The following PDE4B variants were observed in gnomAD, a reference collection of about 807,000 sequenced individuals.
PDE4B encodes phosphodiesterase 4B, also known as 3',5'-cyclic-AMP phosphodiesterase 4B.
A neutral mutation model predicts 82.2 loss-of-function variants in PDE4B; 20 were observed. The observed-to-expected ratio is 0.24, with a 90% CI of 0.17 to 0.35. The LOEUF (loss-of-function observed/expected upper bound fraction) is 0.35. Among genes scored for constraint, PDE4B ranks in the 10% least tolerant of loss-of-function variants. PDE4B has a pLI of 1.00. For missense variants in PDE4B, 655 were observed against 907.2 expected (o/e 0.72, Z 3.57); for synonymous variants, 320 against 318.9 (o/e 1.00, Z -0.04).
intron 1 of PDE4B, among the ~76,000 whole-genome samples, chr1:65,853,944 G>T (rs1346434424): frequency 6.6e-6 from 1 of 152,000 alleles, no homozygotes; most frequent in Non-Finnish European, 1.5e-5. Context: ...TTTCTTATGT[G>T]CCCAATATGG....
chr1:65,844,541 T>G lies in PDE4B; in HGVS notation c.-71+51293T>G, dbSNP rs568172360. On this transcript the variant is annotated intron_variant, in intron 1 of 16. Transcript: ENST00000341517. ...TAGCCAAAATAACTTACTGCCTTAT[T>G]TTGTGTTGGATTTGAAATTCAAAAA... 3.9e-5 allele frequency among the ~76,000 whole-genome samples: 6 copies of G among 152,280 alleles called. No individual in the cohort carries two copies. The East Asian group carries it at 1.2e-3, about 29-fold the overall frequency.
At chr1:65,978,528 A>C (rs1168381564) in intron 3 of PDE4B, among the ~76,000 whole-genome samples, 1 of 138,866 alleles carries the variant, frequency 7.2e-6, no homozygotes, top group Non-Finnish European at 1.6e-5. Flanking sequence ...CACTTAGGTC[A>C]TTCTCCTCCA....
intron 1 of PDE4B, among the ~76,000 whole-genome samples, chr1:65,813,439 CAT>C (rs200672520): frequency 0.01 from 1,553 of 152,146 alleles, 20 homozygotes; most frequent in African/African-American, 0.036. Flanking sequence ...ATATTTTTGC[CAT>C]ATAAAATAAT....
intron 3 of PDE4B, among the ~76,000 whole-genome samples, chr1:66,164,685 A>G (rs1646689909): frequency 1.3e-5 from 2 of 150,726 alleles, no homozygotes; most frequent in African/African-American, 4.8e-5. Context: ...GACTCTGGAT[A>G]TTCTGTATGA....
chr1:65,912,679 A>T (rs1444742895), intron 1 of PDE4B, among the ~76,000 whole-genome samples: 1 of 152,214 alleles, frequency 6.6e-6, no homozygotes, highest in Non-Finnish European at 1.5e-5. Flanking sequence ...GAGAGATTTA[A>T]ACTGGTGGTA....
intron 3 of PDE4B, among the ~76,000 whole-genome samples, chr1:65,951,992 T>G (rs529698055): frequency 6.6e-6 from 1 of 152,242 alleles, no homozygotes; most frequent in South Asian, 2.1e-4. Context: ...TCTACTGAGA[T>G]TCTCCTAAGG....
intron 7 of PDE4B, among the ~76,000 whole-genome samples, chr1:66,293,485 G>C (rs183758073): frequency 6.6e-6 from 1 of 152,062 alleles, no homozygotes; most frequent in Admixed American, 6.6e-5. Flanking sequence ...TGCATGTACC[G>C]TACTGAGTTT....
chr1:66,024,386 T>C lies in PDE4B; in HGVS notation c.281+105551T>C, dbSNP rs180767190. ...AGCCATCCAACTTGCATCACTTCTGTGATTACTAGGTTCTGTCTGAACATT... is the reference window on the plus strand; with the variant it reads ...AGCCATCCAACTTGCATCACTTCTGCGATTACTAGGTTCTGTCTGAACATT... On this transcript the variant is annotated intron_variant, in intron 3 of 16. Coordinates refer to ENST00000341517, the MANE Select transcript of PDE4B (RefSeq NM_002600.4). 7.2e-4 allele frequency among the ~76,000 whole-genome samples: 110 copies of C among 152,234 alleles called. 1 individual carries two copies. The highest frequency in any genetic ancestry group is 6.0e-3 in the Admixed American group (91 of 15,284).
At chr1:65,896,133 G>C (rs1014102654) in intron 1 of PDE4B, among the ~76,000 whole-genome samples, 1 of 151,466 alleles carries the variant, frequency 6.6e-6, no homozygotes, top group African/African-American at 2.4e-5. Flanking sequence ...GTCTGTTCTC[G>C]CACTGCTAAT....
At chr1:66,203,221 T>C (rs1570460944) in intron 3 of PDE4B, among the ~76,000 whole-genome samples, 1 of 152,322 alleles carries the variant, frequency 6.6e-6, no homozygotes. Flanking sequence ...AGATCTGCTG[T>C]TACTCTGATG....
intron 7 of PDE4B, among the ~76,000 whole-genome samples, chr1:66,280,285 C>T (rs1033312047): frequency 1.1e-4 from 17 of 152,222 alleles, no homozygotes; most frequent in Admixed American, 3.3e-4. Flanking sequence ...AGTGGCAGCA[C>T]ACCTGTTAAA....
chr1:66,112,016 T>C (rs1239396516), intron 3 of PDE4B, among the ~76,000 whole-genome samples: 2 of 152,118 alleles, frequency 1.3e-5, no homozygotes, highest in Non-Finnish European at 2.9e-5. Context: ...TTGCATTTTG[T>C]TCAAGGATGA....
At chr1:66,146,239 A>C (rs1181303934) in intron 3 of PDE4B, among the ~76,000 whole-genome samples, 1 of 120,798 alleles carries the variant, frequency 8.3e-6, no homozygotes, top group East Asian at 2.5e-4. Context: ...ACTGGAGTGC[A>C]GTGGCGCAAT....
intron 1 of PDE4B, among the ~76,000 whole-genome samples, chr1:65,830,072 G>C (rs552165615): frequency 6.6e-6 from 1 of 152,204 alleles, no homozygotes; most frequent in Non-Finnish European, 1.5e-5. Context: ...GAAATATCTA[G>C]TAGTGTCAGA....
chr1:65,872,997 A>G (rs902076406), intron 1 of PDE4B, among the ~76,000 whole-genome samples: 1 of 152,204 alleles, frequency 6.6e-6, no homozygotes, highest in Non-Finnish European at 1.5e-5. Flanking sequence ...TCATTCAAAC[A>G]TATTAATCTA....
rs1168144080 is a variant in PDE4B at position 66,162,305 on chromosome 1, C to CTTTTTTTTTT, written c.282-85136_282-85127dup. 9.5e-3 allele frequency among the ~76,000 whole-genome samples: 384 copies of CTTTTTTTTTT among 40,314 alleles called. 62 individuals carry two copies. Among genetic ancestry groups the CTTTTTTTTTT allele is most frequent in the Non-Finnish European group, 0.011 (255 of 22,650 alleles). 26.4% of individuals were successfully genotyped at this position (40,314 alleles called of 152,430 possible). ...TTGGTGGTAAGGTTCATGGACTTCT[C>CTTTTTTTTTT]TTTTTTTTTTTTTTTTTTTTTTTTT... On this transcript the variant is annotated intron_variant, in intron 3 of 16. Coordinates refer to ENST00000341517, the MANE Select transcript of PDE4B (RefSeq NM_002600.4).
intron 3 of PDE4B, among the ~76,000 whole-genome samples, chr1:66,157,926 A>T (rs1308018747): frequency 6.6e-6 from 1 of 152,108 alleles, no homozygotes; most frequent in Non-Finnish European, 1.5e-5. Context: ...GCATATTCTG[A>T]GGAAGTATTT....
At chr1:65,882,753 A>G (rs1391408657) in intron 1 of PDE4B, among the ~76,000 whole-genome samples, 1 of 152,032 alleles carries the variant, frequency 6.6e-6, no homozygotes, top group Non-Finnish European at 1.5e-5. Context: ...AATGTTTTAC[A>G]TGTTTTTATA....
At chr1:65,879,938 G>A (rs1646691454) in intron 1 of PDE4B, among the ~76,000 whole-genome samples, 2 of 152,078 alleles carry the variant, frequency 1.3e-5, no homozygotes, top group Non-Finnish European at 2.9e-5. Flanking sequence ...CATCATATAA[G>A]GACCTTGGAA....
Sources: gnomAD v4.1 joint callset for allele counts (sites outside exome capture counted in the v4.1 genomes callset) on GRCh38, gnomAD v4.1.1 for gene constraint, MANE v1.5 for transcripts, NCBI Gene and HGNC (gene_info 2026-07-23, HGNC 2026-07-21) for gene names.